PPP1R9B: variants seen among roughly 807,000 people sequenced by gnomAD.
PPP1R9B encodes neurabin-2.
A neutral mutation model predicts 75.8 loss-of-function variants in PPP1R9B; 17 were observed. The ratio of observed to expected loss-of-function variants is 0.22; its 90% CI spans 0.15 to 0.34. The LOEUF (loss-of-function observed/expected upper bound fraction) is 0.34, where lower values mean the gene tolerates loss of function less well. Among genes scored for constraint, PPP1R9B ranks in the 10% least tolerant of loss-of-function variants. The pLI is 1.00. For synonymous variants in PPP1R9B, 509 were observed against 535.4 expected (o/e 0.95, Z 0.68); for missense variants, 875 against 1,196.0 (o/e 0.73, Z 3.96).
At chr17:50,137,455 C>A (rs1317122896) in intron 7 of PPP1R9B, 1 of 152,558 alleles carries the variant, frequency 6.6e-6, no homozygotes, top group African/African-American at 2.4e-5. Context: ...AGACCTTTGG[C>A]GTGCCCCTCC....
Position 50,135,980 on chromosome 17 carries a change from T to A in PPP1R9B, c.2291A>T (p.Asp764Val). ...KYSKAKRLIK[D>V]YQQKEIEFLK... ...CCCAGCCACGTACTTCTGCTGGTAG[T>A]CCTTGATGAGGCGCTTGGCCTTGCT... Residue 764 changes from aspartate (D) to valine (V), a missense_variant, in exon 8 of 10, where the codon GAC (aspartate) becomes GTC (valine). Asp to Val is a radical substitution (Grantham distance 152). This residue lies in a region of PPP1R9B where 218 missense variants were observed against 334.6 expected (regional missense o/e 0.65). Coordinates refer to ENST00000612501, the MANE Select transcript of PPP1R9B (RefSeq NM_032595.5). 1 of 1,571,866 alleles carries A rather than the reference T, an allele frequency of 6.4e-7. No homozygotes were observed. The highest frequency in any genetic ancestry group is 8.6e-7 in the Non-Finnish European group (1 of 1,157,708).
rs1171895620 is a variant in PPP1R9B at position 50,134,626 on chromosome 17, G to T, written c.*705C>A. The T allele has an allele frequency of 6.5e-6, 1 of 152,864 alleles. No homozygotes were observed. The highest frequency in any genetic ancestry group is 2.4e-5 in the African/African-American group (1 of 41,466). The allele number at this position is 152,864 out of a possible 1,614,324, so 9.5% of individuals were successfully genotyped here. On this transcript the variant is annotated 3_prime_UTR_variant, in exon 10 of 10. Coordinates refer to ENST00000612501, the MANE Select transcript of PPP1R9B (RefSeq NM_032595.5). ...ATTGAGGGCTGCTGCCCCAGGCAAT[G>T]GGGAGCTGGGGACCAGGTGTCCTGA...
At position 50,149,066 on chromosome 17, in the gene PPP1R9B, T is replaced by A. The variant is rs1567730797; in HGVS notation, c.1371+77A>T. On this transcript the variant is annotated intron_variant, in intron 1 of 9. Transcript: ENST00000612501. The surrounding 1 kb of genome is among the most constrained non-coding windows in gnomAD (Gnocchi z 7.2). ...GCTGACTCAGCCTGCCAAACCCGGC[T>A]GGCTGGCTGGCGAGCGGGGGCGGCC... The A allele has an allele frequency of 1.0e-6, 1 of 997,514 alleles. No individual in the cohort carries two copies. Among genetic ancestry groups the A allele is most frequent in the Non-Finnish European group, 1.3e-6 (1 of 790,700 alleles). 61.8% of individuals were successfully genotyped at this position (997,514 alleles called of 1,614,324 possible). A position where few individuals can be genotyped will look rare whatever the true frequency, so the allele number is the denominator to read the frequency against.
intron 1 of PPP1R9B, among the ~76,000 whole-genome samples, chr17:50,147,657 TG>T (rs1912549752): frequency 6.8e-6 from 1 of 147,158 alleles, no homozygotes; most frequent in South Asian, 2.2e-4. Flanking sequence ...TTAGTGGGGG[TG>T]GGGTGGGGGG....
At chr17:50,136,334 CTT>C (rs1341856754) in intron 7 of PPP1R9B, 137 bp from the exon 8 acceptor site, 2 of 692,848 alleles carry the variant, frequency 2.9e-6, no homozygotes, top group East Asian at 5.4e-5. Flanking sequence ...TACTAACCCT[CTT>C]TGGCTGAGCC....
Position 50,139,565 on chromosome 17 carries a change from G to C in PPP1R9B, c.1883C>G (p.Thr628Ser). 6.4e-7 allele frequency: 1 copy of C among 1,565,800 alleles called. No homozygotes were observed. The highest frequency in any genetic ancestry group is 8.7e-7 in the Non-Finnish European group (1 of 1,155,494). ...EDDEETGEYA[T>S]DEDEELSPTF... ...GGGGCTCAGCTCCTCATCCTCGTCAGTGGCATACTCTCCCGTCTGCGAAGG... is the reference window on the plus strand; with the variant it reads ...GGGGCTCAGCTCCTCATCCTCGTCACTGGCATACTCTCCCGTCTGCGAAGG... Residue 628 changes from threonine (T) to serine (S), a missense_variant, in exon 6 of 10, where the codon ACT (threonine) becomes AGT (serine). Coordinates refer to ENST00000612501, the MANE Select transcript of PPP1R9B (RefSeq NM_032595.5). This position sits in a 1 kb window ranked among gnomAD's most constrained non-coding sequence, Gnocchi z 5.0.
rs1374304680 is a variant in PPP1R9B at position 50,134,862 on chromosome 17, G to T, written c.*469C>A. 1 of 173,222 alleles carries T rather than the reference G, an allele frequency of 5.8e-6. No individual in the cohort carries two copies. Among genetic ancestry groups the T allele is most frequent in the Non-Finnish European group, 1.2e-5 (1 of 80,214 alleles). The allele number at this position is 173,222 out of a possible 1,614,324, so 10.7% of individuals were successfully genotyped here. A position where few individuals can be genotyped will look rare whatever the true frequency, so the allele number is the denominator to read the frequency against. ...AACAGAGACGGCACAATGATGGGGG[G>T]AGAGGGAAGGGCCGAGAAGGTAGAA... is the stretch of plus-strand genomic sequence containing the variant. On this transcript the variant is annotated 3_prime_UTR_variant, in exon 10 of 10. Coordinates refer to ENST00000612501, the MANE Select transcript of PPP1R9B (RefSeq NM_032595.5).
chr17:50,139,396 C>A lies in PPP1R9B; in HGVS notation c.2019+33G>T. ...AAGGGCAGGAGACCTGCCTGCCTTT[C>A]CCTCCACCACTCCAGGGAGCCCCTC... On this transcript the variant is annotated intron_variant, in intron 6 of 9. Coordinates refer to ENST00000612501, the MANE Select transcript of PPP1R9B (RefSeq NM_032595.5). This position sits in a 1 kb window ranked among gnomAD's most constrained non-coding sequence, Gnocchi z 5.0. The A allele has an allele frequency of 6.2e-7, 1 of 1,612,786 alleles. No homozygotes were observed. Among genetic ancestry groups the A allele is most frequent in the South Asian group, 1.1e-5 (1 of 91,074 alleles).
rs1247624376 is a variant in PPP1R9B at position 50,139,826 on chromosome 17, T to C, written c.1867-245A>G. ...CCTGGGTCTCTGAAGAAACAGCCTG[T>C]ACTATCTTTCCCCTTCTGGATCTAT... On this transcript the variant is annotated intron_variant, in intron 5 of 9. Transcript: ENST00000612501. The surrounding 1 kb of genome is among the most constrained non-coding windows in gnomAD (Gnocchi z 5.0). Among the ~76,000 whole-genome samples the C allele has an allele frequency of 2.0e-5, 3 of 152,216 alleles. No individual in the cohort carries two copies. The highest frequency in any genetic ancestry group is 2.9e-5 in the Non-Finnish European group (2 of 68,028).
At position 50,142,291 on chromosome 17, in the gene PPP1R9B, G is replaced by A. The variant is rs1405791944; in HGVS notation, c.1626-918C>T. 3.9e-5 allele frequency among the ~76,000 whole-genome samples: 6 copies of A among 152,138 alleles called. No individual in the cohort carries two copies. Among genetic ancestry groups the A allele is most frequent in the South Asian group, 2.1e-4 (1 of 4,832 alleles). On this transcript the variant is annotated intron_variant, in intron 3 of 9. Coordinates refer to ENST00000612501, the MANE Select transcript of PPP1R9B (RefSeq NM_032595.5). This position sits in a 1 kb window ranked among gnomAD's most constrained non-coding sequence, Gnocchi z 4.1. ...AGGCCTTCTCTCAGGACTCCCACAC[G>A]GAAATGGAGGAAATGGCCTATTGTC... is the stretch of plus-strand genomic sequence containing the variant.
In PPP1R9B at chr17:50,135,045, G is replaced by C; in HGVS notation, c.*286C>G. 2 of 494,296 alleles carry C rather than the reference G, an allele frequency of 4.0e-6. No individual in the cohort carries two copies. The highest frequency in any genetic ancestry group is 3.7e-6 in the Non-Finnish European group (1 of 271,136). The allele number at this position is 494,296 out of a possible 1,614,324, so 30.6% of individuals were successfully genotyped here. On this transcript the variant is annotated 3_prime_UTR_variant, in exon 10 of 10. Transcript: ENST00000612501. ...GTTTGATCTGCAGGTGCTTGTGTCC[G>C]TCGACCACCAGGCCAGCCCTCGGCA...
In PPP1R9B at chr17:50,135,251, G is replaced by T; in HGVS notation, c.*80C>A. 3 of 1,213,848 alleles carry T rather than the reference G, an allele frequency of 2.5e-6. No individual in the cohort carries two copies. Among genetic ancestry groups the T allele is most frequent in the Non-Finnish European group, 3.6e-6 (3 of 829,136 alleles). The allele number at this position is 1,213,848 out of a possible 1,614,324, so 75.2% of individuals were successfully genotyped here. ...GCACCTGTCCCCAGGCTGGAAGGGG[G>T]AGGGGTGGGGTGTTGAGGACAGGGG... On this transcript the variant is annotated 3_prime_UTR_variant, in exon 10 of 10. Coordinates refer to ENST00000612501, the MANE Select transcript of PPP1R9B (RefSeq NM_032595.5).
In PPP1R9B at chr17:50,149,576, G is replaced by A. The variant is rs1276467066; in HGVS notation, c.938C>T (p.Ser313Leu). Reference protein sequence around the residue: ...VEESGESEAESAPGEVIQAEV... With the variant: ...VEESGESEAELAPGEVIQAEV... ...GGCCTGGATCACCTCCCCGGGCGCC[G>A]ACTCGGCCTCCGACTCCCCGCTCTC... Residue 313 changes from serine to leucine, a missense_variant, in exon 1 of 10, where the codon TCG becomes TTG. By Grantham distance (145) the Ser-to-Leu change is moderately radical. Transcript: ENST00000612501. This position sits in a 1 kb window ranked among gnomAD's most constrained non-coding sequence, Gnocchi z 7.2. The A allele has an allele frequency of 1.9e-6, 3 of 1,578,670 alleles. No individual in the cohort carries two copies. The highest frequency in any genetic ancestry group is 1.8e-5 in the Admixed American group (1 of 56,992).
intron 7 of PPP1R9B, among the ~76,000 whole-genome samples, chr17:50,137,864 T>C (rs935648775): frequency 2.0e-5 from 3 of 152,076 alleles, no homozygotes; most frequent in Admixed American, 6.5e-5. Flanking sequence ...CCAAGCTCCA[T>C]GGAGCTCCTC....
At chr17:50,138,153 CGTGTGT>C (rs58489923) in intron 7 of PPP1R9B, among the ~76,000 whole-genome samples, 8,576 of 146,336 alleles carry the variant, frequency 0.059, 307 homozygotes, top group East Asian at 0.087. Context: ...GTGTATACTA[CGTGTGT>C]GTGTGTGTGT....
At chr17:50,146,948 CCTGA>C (rs980850488) in intron 1 of PPP1R9B, among the ~76,000 whole-genome samples, 1 of 152,142 alleles carries the variant, frequency 6.6e-6, no homozygotes, top group African/African-American at 2.4e-5. Context: ...ACTGGAGTCC[CCTGA>C]CTCTCACCCT....
chr17:50,144,400 G>A (rs999908974), intron 2 of PPP1R9B, among the ~76,000 whole-genome samples: 4 of 152,092 alleles, frequency 2.6e-5, no homozygotes, highest in South Asian at 2.1e-4. Flanking sequence ...TCCTGTCCAC[G>A]CCACAGTGGC....
intron 3 of PPP1R9B, among the ~76,000 whole-genome samples, 182 bp downstream of exon 3, chr17:50,143,416 G>T (rs139786122): frequency 6.6e-6 from 1 of 152,196 alleles, no homozygotes; most frequent in Non-Finnish European, 1.5e-5. Context: ...GCTCACTGTT[G>T]TATTTCTGGG....
At chr17:50,143,804 C>T in intron 2 of PPP1R9B, 86 bp from the exon 3 acceptor site, 3 of 1,571,398 alleles carry the variant, frequency 1.9e-6, no homozygotes, top group South Asian at 2.2e-5. Context: ...CACAGCCCCC[C>T]CATCAGGAAG....
Sources: gnomAD v4.1 joint callset for allele counts (sites outside exome capture counted in the v4.1 genomes callset) on GRCh38, gnomAD v4.1.1 for gene constraint, gnomAD v4.1.1 regional missense constraint, Gnocchi (gnomAD v3.1) non-coding constraint, MANE v1.5 for transcripts, NCBI Gene and HGNC (gene_info 2026-07-23, HGNC 2026-07-21) for gene names.